Variants in ZNF552 observed in about 807,000 individuals in gnomAD.
The protein encoded by ZNF552 is zinc finger protein 552.
ZNF552 carries 2 observed loss-of-function variants against 7.2 expected under a neutral mutation model. The observed-to-expected ratio is 0.28, with a 90% CI of 0.11 to 0.88. The LOEUF (loss-of-function observed/expected upper bound fraction) is 0.88. Ranked by LOEUF, ZNF552 falls within the 40% of genes least tolerant of loss-of-function variation. The pLI, the probability that ZNF552 is intolerant of heterozygous loss-of-function variation, is 0.60. For missense variants in ZNF552, 421 were observed against 493.4 expected, an observed-to-expected ratio of 0.85 and a Z score of 1.39; for synonymous variants, 173 against 176.5, an observed-to-expected ratio of 0.98 and a Z score of 0.16.
At position 57,814,401 on chromosome 19, in the gene ZNF552, GC is replaced by G. The variant is rs768714449; in HGVS notation, c.33+309del. The G allele has an allele frequency of 6.9e-5, 65 of 938,380 alleles. 3 individuals are homozygous for G. The South Asian group carries it at 9.0e-4, about 13-fold the overall frequency. The allele number at this position is 938,380 out of a possible 1,614,324, so 58.1% of individuals were successfully genotyped here. A position where few individuals can be genotyped will look rare whatever the true frequency, so the allele number is the denominator to read the frequency against. On this transcript the variant is annotated intron_variant, in intron 1 of 2. Transcript: ENST00000391701. ...CTAGTGTCCTCGCAATGATTTCACA[GC>G]CCCCAGCCTCCTTGCTTTTCCAGGA...
intron 2 of ZNF552, among the ~76,000 whole-genome samples, chr19:57,812,215 C>T (rs1240275336): frequency 6.6e-6 from 1 of 151,716 alleles, no homozygotes; most frequent in African/African-American, 2.4e-5. Context: ...AACAAACAAA[C>T]AAAACCAAAA....
At chr19:57,811,528 C>T (rs917521819) in intron 2 of ZNF552, among the ~76,000 whole-genome samples, 3 of 151,848 alleles carry the variant, frequency 2.0e-5, no homozygotes, top group African/African-American at 7.3e-5. Context: ...TTCCACCTGA[C>T]GAGAAACACC....
At position 57,808,749 on chromosome 19, in the gene ZNF552, C is replaced by A. The variant is rs755377043; in HGVS notation, c.515G>T (p.Ser172Ile). 6.2e-7 allele frequency: 1 copy of A among 1,614,206 alleles called. No homozygotes were observed. Among genetic ancestry groups the A allele is most frequent in the South Asian group, 1.1e-5 (1 of 91,082 alleles). ...LHVSGESSVF[S>I]ESGKDFLLRS... ...GAGCAAAAAGTCTTTCCCACTCTCA[C>A]TGAAGACAGATGACTCCCCTGACAC... Residue 172 changes from serine to isoleucine, a missense_variant, in exon 3 of 3, where the codon AGT (serine) becomes ATT (isoleucine). Physicochemically the swap from Ser to Ile is moderately radical, Grantham distance 142. Coordinates refer to ENST00000391701, the MANE Select transcript of ZNF552 (RefSeq NM_024762.3).
In ZNF552 at chr19:57,809,088, A is replaced by C. The variant is rs983043875; in HGVS notation, c.176T>G (p.Val59Gly). ...LMSSLGCWCG[V>G]EDEAAPSKQS... ...CTTAGAAGGTGCCGCCTCATCTTCC[A>C]CTCCACACCAACAACCTGAAAGCAA... The change falls in exon 3 of 3, where the codon GTG (valine) becomes GGG (glycine). Residue 59 changes from valine (V) to glycine (G), a missense_variant. This residue lies in a region of ZNF552 where 122 missense variants were observed against 199.7 expected (regional missense o/e 0.61). Coordinates refer to ENST00000391701, the MANE Select transcript of ZNF552 (RefSeq NM_024762.3). The C allele has an allele frequency of 6.5e-7, 1 of 1,537,060 alleles. No individual in the cohort carries two copies. The highest frequency in any genetic ancestry group is 1.4e-5 in the African/African-American group (1 of 72,278).
chr19:57,808,003 T>C lies in ZNF552; in HGVS notation c.*37A>G. ...AATCACAGGATCTTACTCAGGTGTG[T>C]ATTCTCCAATATTTAATGAGACTGG... On this transcript the variant is annotated 3_prime_UTR_variant, in exon 3 of 3. Transcript: ENST00000391701. 1.3e-6 allele frequency: 2 copies of C among 1,551,928 alleles called. No homozygotes were observed. The highest frequency in any genetic ancestry group is 1.7e-6 in the Non-Finnish European group (2 of 1,149,584).
chr19:57,810,738 A>C (rs947237400), intron 2 of ZNF552, among the ~76,000 whole-genome samples: 4 of 152,190 alleles, frequency 2.6e-5, no homozygotes, highest in Admixed American at 1.3e-4. Flanking sequence ...GCTGAGGATT[A>C]GTAAAAGAGG....
At chr19:57,814,293 C>T in intron 1 of ZNF552, 1 of 599,294 alleles carries the variant, frequency 1.7e-6, no homozygotes, top group Non-Finnish European at 3.0e-6. Context: ...CCCCTCTCTA[C>T]TCTGTTATTT....
At position 57,808,013 on chromosome 19, in the gene ZNF552, T is replaced by C; in HGVS notation, c.*27A>G. ...TCTTACTCAGGTGTGTATTCTCCAA[T>C]ATTTAATGAGACTGGACTCACTGCA... On this transcript the variant is annotated 3_prime_UTR_variant, in exon 3 of 3. Coordinates refer to ENST00000391701, the MANE Select transcript of ZNF552 (RefSeq NM_024762.3). 1 of 1,564,352 alleles carries C rather than the reference T, an allele frequency of 6.4e-7. No homozygotes were observed. Among genetic ancestry groups the C allele is most frequent in the Non-Finnish European group, 8.6e-7 (1 of 1,157,004 alleles).
At position 57,814,814 on chromosome 19, in the gene ZNF552, AAAGAG is replaced by A. The variant is rs1987930473; in HGVS notation, c.-76_-72del. 2 of 1,504,138 alleles carry A rather than the reference AAAGAG, an allele frequency of 1.3e-6. No individual in the cohort carries two copies. Among genetic ancestry groups the A allele is most frequent in the Admixed American group, 3.9e-5 (2 of 51,576 alleles). The allele number at this position is 1,504,138 out of a possible 1,614,324, so 93.2% of individuals were successfully genotyped here. The stretch of plus-strand genomic sequence containing the variant: ...AAGAGCTGCAGAGTCACGTCTGTGC[AAAGAG>A]AAGAACGACTCTCGACCTCCTGGAT... On this transcript the variant is annotated 5_prime_UTR_variant, in exon 1 of 3. Transcript: ENST00000391701.
At chr19:57,812,501 C>T (rs578258285) in intron 2 of ZNF552, among the ~76,000 whole-genome samples, 8 of 151,978 alleles carry the variant, frequency 5.3e-5, no homozygotes, top group Non-Finnish European at 7.4e-5. Flanking sequence ...AAAGACAGAA[C>T]AAGGAAACAG....
intron 2 of ZNF552, among the ~76,000 whole-genome samples, chr19:57,811,323 G>A (rs1005650411): frequency 2.0e-5 from 3 of 152,090 alleles, no homozygotes; most frequent in East Asian, 1.9e-4. Flanking sequence ...ACAGGCGCCC[G>A]CCACCACGCC....
Position 57,808,610 on chromosome 19 carries a change from C to G in ZNF552, c.654G>C (p.Met218Ile). Residue 218 changes from methionine to isoleucine, a missense_variant, in exon 3 of 3, where the codon ATG becomes ATC. This residue lies in a region of ZNF552 where 299 missense variants were observed against 293.7 expected (regional missense o/e 1.02). Coordinates refer to ENST00000391701, the MANE Select transcript of ZNF552 (RefSeq NM_024762.3). ...GKSHYSCGGCMKHFSTKDILS... is the reference protein window; with the variant it reads ...GKSHYSCGGCIKHFSTKDILS... ...GTATATCTTTGGTGCTAAAATGTTTCATGCATCCTCCACAGCTGTAATGGC... is the reference window on the plus strand; with the variant it reads ...GTATATCTTTGGTGCTAAAATGTTTGATGCATCCTCCACAGCTGTAATGGC... 6.2e-7 allele frequency: 1 copy of G among 1,614,156 alleles called. No individual in the cohort carries two copies. The highest frequency in any genetic ancestry group is 8.5e-7 in the Non-Finnish European group (1 of 1,180,034).
chr19:57,808,201 T>C lies in ZNF552; in HGVS notation c.1063A>G (p.Ser355Gly). The C allele has an allele frequency of 6.2e-7, 1 of 1,614,052 alleles. No individual in the cohort carries two copies. The highest frequency in any genetic ancestry group is 8.5e-7 in the Non-Finnish European group (1 of 1,179,992). ...TCGGCAAAAGATTTCCCACATTCAC[T>C]GCACTCATAAGGCTTCTGACCAGTG... ...VHTGQKPYEC[S>G]ECGKSFAESS... Residue 355 changes from serine to glycine, a missense_variant, in exon 3 of 3, where the codon AGT (serine) becomes GGT (glycine). Coordinates refer to ENST00000391701, the MANE Select transcript of ZNF552 (RefSeq NM_024762.3).
intron 2 of ZNF552, among the ~76,000 whole-genome samples, chr19:57,811,674 C>T (rs1987859343): frequency 7.6e-6 from 1 of 131,582 alleles, no homozygotes; most frequent in Admixed American, 9.1e-5. Context: ...CAGATCGCAC[C>T]ATTGCGCTCC....
Position 57,807,536 on chromosome 19 carries a change from C to A in ZNF552, c.*504G>T, listed in dbSNP as rs1010842504. On this transcript the variant is annotated 3_prime_UTR_variant, in exon 3 of 3. Transcript: ENST00000391701. Reference sequence around the variant, plus strand: ...TGCCACTGTACTCCAGCCTGGGTGACAGAGCGAGGCTGTCTCAAAAAAAAG... The same window carrying A: ...TGCCACTGTACTCCAGCCTGGGTGAAAGAGCGAGGCTGTCTCAAAAAAAAG... The A allele has an allele frequency of 6.5e-6, 1 of 153,478 alleles. No homozygotes were observed. The highest frequency in any genetic ancestry group is 2.4e-5 in the African/African-American group (1 of 41,416). The allele number at this position is 153,478 out of a possible 1,614,324, so 9.5% of individuals were successfully genotyped here. A position where few individuals can be genotyped will look rare whatever the true frequency, so the allele number is the denominator to read the frequency against.
rs1017743932 is a variant in ZNF552, at chr19:57,807,839, C to T, written c.*201G>A. Reference sequence around the variant, plus strand: ...TAGTAAGGCCTTCATTCAGTGTTAACTATAATCCTGAAGGAATACAGAGGT... The same window carrying T: ...TAGTAAGGCCTTCATTCAGTGTTAATTATAATCCTGAAGGAATACAGAGGT... On this transcript the variant is annotated 3_prime_UTR_variant, in exon 3 of 3. Coordinates refer to ENST00000391701, the MANE Select transcript of ZNF552 (RefSeq NM_024762.3). 1.6e-5 allele frequency: 13 copies of T among 801,662 alleles called. No individual in the cohort carries two copies. The highest frequency in any genetic ancestry group is 6.9e-5 in the African/African-American group (4 of 57,994). 49.7% of individuals were successfully genotyped at this position (801,662 alleles called of 1,614,324 possible).
chr19:57,809,272 T>A, intron 2 of ZNF552, 169 bp from the exon 3 acceptor site: 1 of 1,489,398 alleles, frequency 6.7e-7, no homozygotes, highest in Non-Finnish European at 9.1e-7. Flanking sequence ...TGGACTATAA[T>A]GGTCACAGAA....
At chr19:57,811,155 ACTTTT>A (rs978553802) in intron 2 of ZNF552, among the ~76,000 whole-genome samples, 4 of 145,704 alleles carry the variant, frequency 2.7e-5, no homozygotes, top group African/African-American at 1.0e-4. Context: ...CCCTGGGCCC[ACTTTT>A]CTTTTTTTTT....
chr19:57,814,791 G>A lies in ZNF552; in HGVS notation c.-48C>T. On this transcript the variant is annotated 5_prime_UTR_variant, in exon 1 of 3. Transcript: ENST00000391701. ...GTTGAGAGCAGCGGGCGCCGTTAAAGAGCTGCAGAGTCACGTCTGTGCAAA... is the reference window on the plus strand; with the variant it reads ...GTTGAGAGCAGCGGGCGCCGTTAAAAAGCTGCAGAGTCACGTCTGTGCAAA... 6.3e-7 allele frequency: 1 copy of A among 1,589,310 alleles called. No homozygotes were observed. Among genetic ancestry groups the A allele is most frequent in the Non-Finnish European group, 8.6e-7 (1 of 1,162,276 alleles).
Sources: allele counts gnomAD v4.1 joint callset (sites outside exome capture counted in the v4.1 genomes callset), GRCh38; gene constraint gnomAD v4.1.1; regional missense constraint gnomAD v4.1.1; transcripts MANE v1.5; gene names NCBI Gene and HGNC (gene_info 2026-07-23, HGNC 2026-07-21).